The following TENM1 variants were observed in gnomAD, a reference collection of about 807,000 sequenced individuals.
TENM1 encodes teneurin-1.
TENM1 carries 35 observed loss-of-function variants against 174.8 expected under a neutral mutation model. That is an observed-to-expected ratio of 0.20 (90% CI 0.15 to 0.27). The LOEUF is 0.27. Ranked by LOEUF, TENM1 falls within the 10% of genes least tolerant of loss-of-function variation. The probability of loss-of-function intolerance (pLI) is 1.00; values close to 1 mark genes in which losing one functional copy is unlikely to be tolerated. For synonymous variants in TENM1, 781 were observed against 798.7 expected (o/e 0.98, Z 0.37); for missense variants, 1,633 against 2,130.1 (o/e 0.77, Z 4.59).
Position 124,387,046 on chromosome X carries a change from A to G in TENM1, c.5689-982T>C, listed in dbSNP as rs771834032. 3.8e-5 allele frequency among the ~76,000 whole-genome samples: 4 copies of G among 106,593 alleles called. No homozygotes were observed. The East Asian group carries it at 1.2e-3, about 31-fold the overall frequency. The allele number at this position is 106,593 out of a possible 115,157, so 92.6% of individuals were successfully genotyped here. A position where few individuals can be genotyped will look rare whatever the true frequency, so the allele number is the denominator to read the frequency against. On this transcript the variant is annotated intron_variant, in intron 28 of 31. Coordinates refer to ENST00000422452, the Ensembl canonical transcript of TENM1. ...TCACAAATTAATTTATAGTTATCATAAAGTATTGATTGACTTCACATACTA... is the reference window on the plus strand; with the variant it reads ...TCACAAATTAATTTATAGTTATCATGAAGTATTGATTGACTTCACATACTA...
At chrX:124,912,506 C>T (rs886489774) in intron 1 of TENM1, among the ~76,000 whole-genome samples, 3 of 110,364 alleles carry the variant, frequency 2.7e-5, no homozygotes, top group Non-Finnish European at 5.7e-5. Context: ...GGGGGAAGAG[C>T]TCTTCTAGTC....
intron 5 of TENM1, among the ~76,000 whole-genome samples, chrX:124,690,666 C>T (rs1428762661): frequency 2.7e-5 from 3 of 110,460 alleles, no homozygotes; most frequent in Non-Finnish European, 3.8e-5. Context: ...TAAATGGTTT[C>T]GTGCTATCCT....
At chrX:124,996,078 T>A in the TENM1 span, among the ~76,000 whole-genome samples, 15 of 111,575 alleles carry the variant, frequency 1.3e-4, no homozygotes, top group South Asian at 5.6e-3. Flanking sequence ...AATCTACTTA[T>A]GGAAGGTTTT....
At chrX:124,635,840 T>C (rs1347821025) in intron 11 of TENM1, among the ~76,000 whole-genome samples, 1 of 112,406 alleles carries the variant, frequency 8.9e-6, no homozygotes, top group African/African-American at 3.2e-5. Flanking sequence ...AGTTATGTTT[T>C]AAGGGAGCAT....
intron 19 of TENM1, among the ~76,000 whole-genome samples, chrX:124,499,461 CA>C (rs1281317598): frequency 8.9e-6 from 1 of 111,779 alleles, no homozygotes; most frequent in Non-Finnish European, 1.9e-5. Flanking sequence ...GCTACTTTTG[CA>C]ACACATGATT....
At chrX:124,469,307 A>T (rs1403468546) in intron 22 of TENM1, among the ~76,000 whole-genome samples, 2 of 112,080 alleles carry the variant, frequency 1.8e-5, no homozygotes, top group Non-Finnish European at 3.8e-5. Flanking sequence ...CTTTCTCATC[A>T]TCATACTTCA....
chrX:124,787,218 C>A (rs1352535167), intron 3 of TENM1, among the ~76,000 whole-genome samples: 1 of 111,644 alleles, frequency 9.0e-6, no homozygotes, highest in Non-Finnish European at 1.9e-5. Flanking sequence ...AGCTATAGTA[C>A]TGCTCAGTCA....
At chrX:124,588,635 A>G (rs1013639795) in intron 11 of TENM1, among the ~76,000 whole-genome samples, 6 of 110,766 alleles carry the variant, frequency 5.4e-5, no homozygotes, top group Non-Finnish European at 1.1e-4. Context: ...TGGCACATGT[A>G]TACATATGTA....
intron 23 of TENM1, among the ~76,000 whole-genome samples, chrX:124,427,040 G>C (rs1341160160): frequency 8.9e-6 from 1 of 111,903 alleles, no homozygotes; most frequent in Non-Finnish European, 1.9e-5. Context: ...ACGGAGCATA[G>C]TCCCCCAGGA....
At chrX:124,543,481 G>C (rs758044377) in intron 15 of TENM1, among the ~76,000 whole-genome samples, 6 of 111,713 alleles carry the variant, frequency 5.4e-5, no homozygotes, top group Admixed American at 9.5e-5. Context: ...TAGTGATGGC[G>C]AGTGAAATGT....
chrX:124,623,396 GTGA>G (rs2050566937), intron 11 of TENM1, among the ~76,000 whole-genome samples: 1 of 111,732 alleles, frequency 8.9e-6, no homozygotes, highest in Non-Finnish European at 1.9e-5. Flanking sequence ...GCTTGACTTT[GTGA>G]TAGTGTGTTT....
intron 3 of TENM1, among the ~76,000 whole-genome samples, chrX:124,873,829 C>T (rs1435641269): frequency 9.0e-6 from 1 of 111,438 alleles, no homozygotes; most frequent in Non-Finnish European, 1.9e-5. Context: ...TACCCCATTA[C>T]TGAGCTTAAG....
chrX:124,823,485 T>C (rs1024773874), intron 3 of TENM1, among the ~76,000 whole-genome samples: 1 of 111,526 alleles, frequency 9.0e-6, no homozygotes, highest in African/African-American at 3.3e-5. Flanking sequence ...TAAGTTTTTT[T>C]GTCTTTGTGT....
intron 11 of TENM1, among the ~76,000 whole-genome samples, chrX:124,625,784 C>T (rs2050622746): frequency 9.0e-6 from 1 of 110,653 alleles, no homozygotes; most frequent in Non-Finnish European, 1.9e-5. Flanking sequence ...ATCACAAGAG[C>T]AGCATCAAGG....
chrX:125,055,899 G>A, the TENM1 span, among the ~76,000 whole-genome samples: 2 of 111,714 alleles, frequency 1.8e-5, no homozygotes, highest in Non-Finnish European at 3.8e-5. Flanking sequence ...TTTTCAGGAC[G>A]CTTATTAACA....
At chrX:124,947,667 T>G (rs1365948316) in intron 1 of TENM1, among the ~76,000 whole-genome samples, 4 of 112,241 alleles carry the variant, frequency 3.6e-5, no homozygotes, top group Non-Finnish European at 7.5e-5. Flanking sequence ...CCTGCTGTCG[T>G]TGTTATTCTA....
intron 3 of TENM1, among the ~76,000 whole-genome samples, chrX:124,872,191 C>A (rs2057123725): frequency 9.1e-6 from 1 of 110,459 alleles, no homozygotes; most frequent in Admixed American, 9.6e-5. Flanking sequence ...TGGGATATGA[C>A]CTTAGTTTTA....
chrX:124,615,292 A>T (rs2050373513), intron 11 of TENM1, among the ~76,000 whole-genome samples: 1 of 112,018 alleles, frequency 8.9e-6, no homozygotes, highest in Admixed American at 9.5e-5. Flanking sequence ...AAACACATTT[A>T]TTGACACTCA....
chrX:125,030,761 T>C, the TENM1 span, among the ~76,000 whole-genome samples: 4 of 111,942 alleles, frequency 3.6e-5, no homozygotes, highest in Non-Finnish European at 7.5e-5. Flanking sequence ...TTAGTTTAAT[T>C]CACAATGTTT....
Sources: allele counts gnomAD v4.1 joint callset (sites outside exome capture counted in the v4.1 genomes callset), GRCh38; gene constraint gnomAD v4.1.1; transcripts MANE v1.5; gene names NCBI Gene and HGNC (gene_info 2026-07-23, HGNC 2026-07-21).